CEPT1: variants seen among roughly 807,000 people sequenced by gnomAD.
CEPT1 encodes the protein choline/ethanolamine phosphotransferase 1.
Under a neutral mutation model 42.6 loss-of-function variants are expected in CEPT1, and 7 were observed. The ratio of observed to expected loss-of-function variants is 0.16; its 90% CI spans 0.09 to 0.31. The LOEUF (loss-of-function observed/expected upper bound fraction) is 0.31. Ranked by LOEUF, CEPT1 falls within the 10% of genes least tolerant of loss-of-function variation. The pLI, the probability that CEPT1 is intolerant of heterozygous loss-of-function variation, is 1.00. For missense variants in CEPT1, 306 were observed against 502.1 expected, an observed-to-expected ratio of 0.61 and a Z score of 3.73; for synonymous variants, 171 against 171.9, an observed-to-expected ratio of 0.99 and a Z score of 0.04.
intron 1 of CEPT1, among the ~76,000 whole-genome samples, chr1:111,141,734 T>C (rs1654599407): frequency 6.6e-6 from 1 of 152,260 alleles, no homozygotes; most frequent in Admixed American, 6.5e-5. Flanking sequence ...GAAAAGGCTT[T>C]TGTTTTTGTA....
At chr1:111,161,380 G>T in intron 4 of CEPT1, 84 bp downstream of exon 4, 1 of 1,289,488 alleles carries the variant, frequency 7.8e-7, no homozygotes, top group South Asian at 1.5e-5. Context: ...ATTAGAAATT[G>T]ATCAAATCAC....
intron 1 of CEPT1, among the ~76,000 whole-genome samples, chr1:111,142,662 A>G (rs1654721830): frequency 6.6e-6 from 1 of 152,190 alleles, no homozygotes; most frequent in African/African-American, 2.4e-5. Flanking sequence ...CACTAAATTA[A>G]ATTAAATTAA....
chr1:111,140,838 C>T (rs185315430), intron 1 of CEPT1, among the ~76,000 whole-genome samples: 8 of 152,324 alleles, frequency 5.3e-5, no homozygotes, highest in African/African-American at 1.9e-4. Flanking sequence ...GAAATTTCAG[C>T]CTATATTGAT....
At chr1:111,153,106 A>C (rs1047221831) in intron 2 of CEPT1, among the ~76,000 whole-genome samples, 1 of 152,108 alleles carries the variant, frequency 6.6e-6, no homozygotes, top group Non-Finnish European at 1.5e-5. Context: ...TCTGTTAAAC[A>C]ACCTGTCCCT....
chr1:111,182,221 C>G lies in CEPT1; in HGVS notation c.749C>G (p.Pro250Arg). 1 of 1,609,784 alleles carries G rather than the reference C, an allele frequency of 6.2e-7. No individual in the cohort carries two copies. Among genetic ancestry groups the G allele is most frequent in the Non-Finnish European group, 8.5e-7 (1 of 1,177,820 alleles). Residue 250 changes from proline (P) to arginine (R), a missense_variant, in exon 6 of 9, where the codon CCT (proline) becomes CGT (arginine). Pro to Arg is a moderately radical substitution (Grantham distance 103). Around this residue, in one of 2 missense-constraint regions of CEPT1, gnomAD observed 253 missense variants for 447.3 expected, o/e 0.57. Transcript: ENST00000357172. ...CTGAATATTCAAATGAAAATTTTTC[C>G]TGCACTTTGTACTGTAGCAGGGACC... ...PVLNIQMKIF[P>R]ALCTVAGTIF... is the part of the protein sequence containing the mutation.
Position 111,183,407 on chromosome 1 carries a change from T to C in CEPT1, c.1006-55T>C, listed in dbSNP as rs1032997912. On this transcript the variant is annotated intron_variant, in intron 7 of 8. Transcript: ENST00000357172. The stretch of plus-strand genomic sequence containing the variant: ...TCTGAGCACAATATGATTTACTGTG[T>C]AGTTCACAATTGTCCTCTTATGAAA... 3.5e-5 allele frequency: 55 copies of C among 1,577,238 alleles called. No individual in the cohort carries two copies. In the African/African-American group the frequency reaches 7.0e-4, roughly 20 times the overall value.
At chr1:111,144,997 C>A (rs112857117) in intron 1 of CEPT1, among the ~76,000 whole-genome samples, 1 of 151,896 alleles carries the variant, frequency 6.6e-6, no homozygotes, top group Non-Finnish European at 1.5e-5. Flanking sequence ...GCTTTGATTT[C>A]TCTCCTTGAT....
At chr1:111,142,055 T>C (rs777948455) in intron 1 of CEPT1, among the ~76,000 whole-genome samples, 22 of 147,168 alleles carry the variant, frequency 1.5e-4, no homozygotes, top group Admixed American at 3.4e-4. Flanking sequence ...GAGTTAGAGA[T>C]TTTTTTTTTT....
At chr1:111,169,031 A>T (rs1373108903) in intron 4 of CEPT1, among the ~76,000 whole-genome samples, 1 of 152,192 alleles carries the variant, frequency 6.6e-6, no homozygotes, top group East Asian at 1.9e-4. Flanking sequence ...CGTTACTTAT[A>T]CCTCACACAA....
At chr1:111,145,382 A>T (rs1654902761) in intron 1 of CEPT1, among the ~76,000 whole-genome samples, 1 of 152,146 alleles carries the variant, frequency 6.6e-6, no homozygotes, top group African/African-American at 2.4e-5. Flanking sequence ...ATTTTTGAAA[A>T]TTTATTTAAG....
intron 4 of CEPT1, chr1:111,167,585 A>G (rs903954121): frequency 1.0e-6 from 1 of 968,884 alleles, no homozygotes; most frequent in Non-Finnish European, 1.2e-6. Flanking sequence ...AGATGATTCT[A>G]TATTAATGTA....
At chr1:111,170,058 A>G (rs187329796) in intron 4 of CEPT1, among the ~76,000 whole-genome samples, 8 of 152,290 alleles carry the variant, frequency 5.3e-5, no homozygotes, top group Middle Eastern at 3.4e-3. Flanking sequence ...TTATTGCTAT[A>G]TTAAGACCTG....
At chr1:111,177,025 T>C (rs1168904863) in intron 5 of CEPT1, among the ~76,000 whole-genome samples, 1 of 152,230 alleles carries the variant, frequency 6.6e-6, no homozygotes, top group African/African-American at 2.4e-5. Flanking sequence ...ACCTGTATGT[T>C]ATCACTATTA....
intron 6 of CEPT1, chr1:111,182,545 C>T (rs1350429160): frequency 5.2e-6 from 3 of 572,384 alleles, no homozygotes; most frequent in Non-Finnish European, 8.9e-6. Context: ...CACTTATTCA[C>T]ATGTTTTTTA....
At chr1:111,154,257 G>C (rs187126471) in intron 2 of CEPT1, among the ~76,000 whole-genome samples, 58 of 137,266 alleles carry the variant, frequency 4.2e-4, no homozygotes, top group Admixed American at 1.3e-3. Context: ...TTATTTAGCT[G>C]TTGTTAATGG....
At chr1:111,151,114 G>GTTTTTTT (rs1176721936) in intron 2 of CEPT1, among the ~76,000 whole-genome samples, 1 of 144,668 alleles carries the variant, frequency 6.9e-6, no homozygotes, top group African/African-American at 2.6e-5. Context: ...AGCACTGCTT[G>GTTTTTTT]TTTTTTTTTG....
chr1:111,159,589 G>A (rs765763388), intron 3 of CEPT1, 62 bp downstream of exon 3: 4 of 1,277,608 alleles, frequency 3.1e-6, no homozygotes, highest in African/African-American at 1.5e-5. Context: ...GTGCTAAGCA[G>A]TGTTAGAATA....
Position 111,161,177 on chromosome 1 carries a change from T to C in CEPT1, c.510T>C (p.Cys170=). ...LSTVFVVLGT[C]IAVQLGTNPD... is the part of the protein sequence containing the mutation. The stretch of plus-strand genomic sequence containing the variant: ...CAGTTTTTGTGGTTCTTGGAACTTG[T>C]ATTGCAGTGCAGCTGGGGACAAACC... Residue 170 remains cysteine (C), a synonymous_variant, in exon 4 of 9, where the codon TGT becomes TGC. Transcript: ENST00000357172. The C allele has an allele frequency of 1.2e-6, 2 of 1,614,138 alleles. No individual in the cohort carries two copies. Among genetic ancestry groups the C allele is most frequent in the Non-Finnish European group, 1.7e-6 (2 of 1,179,980 alleles).
intron 4 of CEPT1, chr1:111,173,373 C>T (rs192334962): frequency 8.9e-4 from 136 of 152,120 alleles, no homozygotes; most frequent in African/African-American, 3.2e-3. Context: ...GTTTAAAAAA[C>T]ATTCTTGGGC....
Sources: gnomAD v4.1 joint callset for allele counts (sites outside exome capture counted in the v4.1 genomes callset) on GRCh38, gnomAD v4.1.1 for gene constraint, gnomAD v4.1.1 regional missense constraint, MANE v1.5 for transcripts, NCBI Gene and HGNC (gene_info 2026-07-23, HGNC 2026-07-21) for gene names.